CDH4: variants seen among roughly 807,000 people sequenced by gnomAD.
CDH4 encodes the protein cadherin 4.
CDH4 carries 33 observed loss-of-function variants against 86.0 expected under a neutral mutation model. The ratio of observed to expected loss-of-function variants is 0.38; its 90% confidence interval spans 0.29 to 0.51. CDH4 has a LOEUF of 0.51. CDH4 is among the 20% of genes least tolerant of loss of function. The pLI, the probability that CDH4 is intolerant of heterozygous loss-of-function variation, is 0.86. For missense variants in CDH4, 1,114 were observed against 1,307.4 expected (o/e 0.85, Z 2.28); for synonymous variants, 555 against 549.4 (o/e 1.01, Z -0.14).
chr20:61,423,805 AT>A (rs1287245180), intron 2 of CDH4, among the ~76,000 whole-genome samples: 4 of 152,156 alleles, frequency 2.6e-5, no homozygotes, highest in Non-Finnish European at 5.9e-5. Context: ...TTCTAAGTGG[AT>A]GGTCCCGTCG....
chr20:61,893,483 GA>G (rs1984946903), intron 7 of CDH4, among the ~76,000 whole-genome samples: 1 of 133,760 alleles, frequency 7.5e-6, no homozygotes, highest in South Asian at 2.8e-4. Context: ...TGAGTAGAGG[GA>G]TGGTGGATGG....
intron 4 of CDH4, among the ~76,000 whole-genome samples, chr20:61,818,635 C>T (rs1049657637): frequency 6.6e-6 from 1 of 151,290 alleles, no homozygotes; most frequent in African/African-American, 2.4e-5. Context: ...CTATGATTGC[C>T]CCACTGCACT....
At chr20:61,394,689 G>A (rs1032761917) in intron 2 of CDH4, among the ~76,000 whole-genome samples, 2 of 151,932 alleles carry the variant, frequency 1.3e-5, no homozygotes, top group African/African-American at 4.8e-5. Flanking sequence ...CCCAGTGGGT[G>A]TTGGAGCCAG....
At chr20:61,930,689 T>TC (rs2055096448) in intron 13 of CDH4, among the ~76,000 whole-genome samples, 1 of 152,190 alleles carries the variant, frequency 6.6e-6, no homozygotes, top group South Asian at 2.1e-4. Context: ...TCTGCTTTTT[T>TC]CCCCATTTCC....
chr20:61,692,322 ATAT>A (rs2087669019), intron 2 of CDH4, among the ~76,000 whole-genome samples: 1 of 151,886 alleles, frequency 6.6e-6, no homozygotes, highest in African/African-American at 2.4e-5. Flanking sequence ...ACTTGTTTTT[ATAT>A]TTGTTTTCAT....
At chr20:61,287,245 C>A (rs1052600882) in intron 2 of CDH4, among the ~76,000 whole-genome samples, 2 of 152,154 alleles carry the variant, frequency 1.3e-5, no homozygotes, top group African/African-American at 4.8e-5. Flanking sequence ...ACTACATCTT[C>A]TTTAAAATAA....
chr20:61,292,941 C>G (rs1351327018), intron 2 of CDH4, among the ~76,000 whole-genome samples: 3 of 152,296 alleles, frequency 2.0e-5, no homozygotes, highest in Middle Eastern at 3.4e-3. Flanking sequence ...CAGTGCCTGC[C>G]TGTTTCAGAT....
rs556037034 is a variant in CDH4, at chr20:61,396,471, GC to G, written c.169+141535del. Among the ~76,000 whole-genome samples the G allele has an allele frequency of 3.9e-5, 6 of 152,322 alleles. No homozygotes were observed. In the South Asian group the frequency reaches 1.2e-3, roughly 32 times the overall value. On this transcript the variant is annotated intron_variant, in intron 2 of 15. Transcript: ENST00000614565. Reference sequence around the variant, plus strand: ...TCCGGTGTTTCTCAAATTGCGTTCTGCGCATAGACCACCTGGGGTGCTGCCC... The same window carrying G: ...TCCGGTGTTTCTCAAATTGCGTTCTGGCATAGACCACCTGGGGTGCTGCCC...
At chr20:61,346,993 A>G (rs1292183716) in intron 2 of CDH4, among the ~76,000 whole-genome samples, 1 of 151,998 alleles carries the variant, frequency 6.6e-6, no homozygotes, top group African/African-American at 2.4e-5. Flanking sequence ...CATCTCTCCC[A>G]TTGTCTAATA....
Position 61,393,202 on chromosome 20 carries a change from C to G in CDH4, c.169+138265C>G, listed in dbSNP as rs1015946968. On this transcript the variant is annotated intron_variant, in intron 2 of 15. Transcript: ENST00000614565. This position sits in a 1 kb window ranked among gnomAD's most constrained non-coding sequence, Gnocchi z 4.3. ...GGTGACATTGACAACACTGTTTAAT[C>G]GGTCCTCGCGGGAGCTTCCCTGGGG... is the stretch of plus-strand genomic sequence containing the variant. Among the ~76,000 whole-genome samples the G allele has an allele frequency of 3.9e-5, 6 of 152,134 alleles. No homozygotes were observed. The highest frequency in any genetic ancestry group is 8.8e-5 in the Non-Finnish European group (6 of 68,028).
At chr20:61,524,546 G>GCAAT (rs2085896735) in intron 2 of CDH4, among the ~76,000 whole-genome samples, 1 of 151,328 alleles carries the variant, frequency 6.6e-6, no homozygotes. Context: ...GTGCAGTGCT[G>GCAAT]CAATCTCAGC....
chr20:61,635,776 A>T (rs1600827041), intron 2 of CDH4, among the ~76,000 whole-genome samples: 1 of 152,192 alleles, frequency 6.6e-6, no homozygotes, highest in African/African-American at 2.4e-5. Flanking sequence ...TAGGGCTGCA[A>T]GCACGTCTTC....
chr20:61,277,764 C>G (rs1254227191), intron 2 of CDH4, among the ~76,000 whole-genome samples: 5 of 152,206 alleles, frequency 3.3e-5, no homozygotes, highest in Admixed American at 3.3e-4. Context: ...CATCAGGTAT[C>G]CAGAGCATAA....
At chr20:61,434,073 C>T (rs1396060041) in intron 2 of CDH4, among the ~76,000 whole-genome samples, 4 of 152,168 alleles carry the variant, frequency 2.6e-5, no homozygotes, top group African/African-American at 7.2e-5. Flanking sequence ...TACCACTCTC[C>T]ACTGGCTTCG....
In CDH4 at chr20:61,516,255, G is replaced by T. The variant is rs2085819669; in HGVS notation, c.170-227308G>T. 6.6e-6 allele frequency among the ~76,000 whole-genome samples: 1 copy of T among 152,166 alleles called. No homozygotes were observed. Among genetic ancestry groups the T allele is most frequent in the African/African-American group, 2.4e-5 (1 of 41,440 alleles). Reference sequence around the variant, plus strand: ...AAGCAAAACAGGGACAGAGCCACCGGCCCCACCCTAACAGGAGCAATCCAT... The same window carrying T: ...AAGCAAAACAGGGACAGAGCCACCGTCCCCACCCTAACAGGAGCAATCCAT... On this transcript the variant is annotated intron_variant, in intron 2 of 15. Coordinates refer to ENST00000614565, the MANE Select transcript of CDH4 (RefSeq NM_001794.5). The surrounding 1 kb of genome is among the most constrained non-coding windows in gnomAD (Gnocchi z 4.0).
intron 2 of CDH4, among the ~76,000 whole-genome samples, chr20:61,350,713 GC>G (rs145818012): frequency 4.0e-5 from 6 of 151,302 alleles, no homozygotes; most frequent in Non-Finnish European, 5.9e-5. Context: ...TCAGGCAGAG[GC>G]CCCCCCCCAG....
rs186382685 is a variant in CDH4 at position 61,879,074 on chromosome 20, C to T, written c.1050+5174C>T. The stretch of plus-strand genomic sequence containing the variant: ...AAAACAACAACAGGTTTTAAGACAA[C>T]GGCTCCAGGACCACCGTTGCCAGGC... On this transcript the variant is annotated intron_variant, in intron 7 of 15. Transcript: ENST00000614565. This position sits in a 1 kb window ranked among gnomAD's most constrained non-coding sequence, Gnocchi z 4.1. 2.5e-3 allele frequency among the ~76,000 whole-genome samples: 383 copies of T among 152,322 alleles called. 1 individual carries two copies. The highest frequency in any genetic ancestry group is 8.6e-3 in the African/African-American group (359 of 41,564).
At chr20:61,279,336 G>C (rs1568779166) in intron 2 of CDH4, among the ~76,000 whole-genome samples, 1 of 152,090 alleles carries the variant, frequency 6.6e-6, no homozygotes, top group South Asian at 2.1e-4. Context: ...CCTTTCTTTG[G>C]TTAGCACCTA....
intron 2 of CDH4, among the ~76,000 whole-genome samples, chr20:61,603,222 C>T (rs1204715813): frequency 2.6e-5 from 4 of 152,186 alleles, no homozygotes; most frequent in Non-Finnish European, 4.4e-5. Flanking sequence ...ACAGAGTTCC[C>T]ACTCTGGTTG....
Sources: allele counts gnomAD v4.1 joint callset (sites outside exome capture counted in the v4.1 genomes callset), GRCh38; gene constraint gnomAD v4.1.1; non-coding constraint Gnocchi (gnomAD v3.1); transcripts MANE v1.5; gene names NCBI Gene and HGNC (gene_info 2026-07-23, HGNC 2026-07-21).